Variants in FAM135A observed in about 807,000 individuals in gnomAD.
FAM135A encodes the protein family with sequence similarity 135 member A.
In FAM135A, 79 loss-of-function variants were observed where a neutral mutation model predicts 146.8. The ratio of observed to expected loss-of-function variants is 0.54; its 90% confidence interval spans 0.45 to 0.65. The LOEUF (loss-of-function observed/expected upper bound fraction) is 0.65. Among genes scored for constraint, FAM135A ranks in the 30% least tolerant of loss-of-function variants. The pLI is 0.00. For synonymous variants in FAM135A, 562 were observed against 603.6 expected (o/e 0.93, Z 1.01); for missense variants, 1,623 against 1,758.2 (o/e 0.92, Z 1.38).
intron 10 of FAM135A, 105 bp from the exon 11 acceptor site, chr6:70,490,929 A>T (rs1785768961): frequency 3.1e-6 from 2 of 650,182 alleles, no homozygotes; most frequent in Non-Finnish European, 4.8e-6. Context: ...AATTCATTGA[A>T]TACAGTCCAG....
intron 4 of FAM135A, among the ~76,000 whole-genome samples, chr6:70,449,929 T>TC: frequency 6.6e-6 from 1 of 152,220 alleles, no homozygotes; most frequent in Non-Finnish European, 1.5e-5. Context: ...CACTATCTTT[T>TC]CCGTTTTCTT....
At chr6:70,428,561 T>A (rs1055248637) in intron 4 of FAM135A, 142 bp downstream of exon 4, 2 of 491,996 alleles carry the variant, frequency 4.1e-6, no homozygotes, top group African/African-American at 4.0e-5. Context: ...ATAAATTTTA[T>A]TTATTAAATA....
At chr6:70,504,444 T>G (rs1474043075) in intron 12 of FAM135A, 1 of 152,080 alleles carries the variant, frequency 6.6e-6, no homozygotes, top group Non-Finnish European at 1.5e-5. Flanking sequence ...GAACTGGAGG[T>G]CTTAATTTTA....
intron 20 of FAM135A, among the ~76,000 whole-genome samples, chr6:70,551,173 G>A (rs909666793): frequency 3.3e-5 from 5 of 152,172 alleles, no homozygotes; most frequent in Non-Finnish European, 7.4e-5. Flanking sequence ...CACTAGAGTA[G>A]CCCTTTTAAT....
rs929022644 is a variant in FAM135A at position 70,413,936 on chromosome 6, G to A, written c.-220+234G>A. ...GGGAGGCGAGGGGCCGCGGCGCGCT[G>A]CTCTCCCGGTGCCCGCGGCCGCCCC... On this transcript the variant is annotated intron_variant, in intron 1 of 21. Coordinates refer to ENST00000418814, the MANE Select transcript of FAM135A (RefSeq NM_001162529.3). The A allele has an allele frequency of 3.0e-6, 3 of 985,398 alleles. No individual in the cohort carries two copies. The East Asian group carries it at 3.4e-4, about 112-fold the overall frequency. The allele number at this position is 985,398 out of a possible 1,614,324, so 61.0% of individuals were successfully genotyped here. A position where few individuals can be genotyped will look rare whatever the true frequency, so the allele number is the denominator to read the frequency against.
chr6:70,419,686 T>C (rs1398178409), intron 2 of FAM135A, among the ~76,000 whole-genome samples: 1 of 152,204 alleles, frequency 6.6e-6, no homozygotes, highest in African/African-American at 2.4e-5. Flanking sequence ...CATATTGTCA[T>C]AGTGTAAGCC....
intron 20 of FAM135A, among the ~76,000 whole-genome samples, chr6:70,553,182 G>A (rs1282140347): frequency 6.6e-6 from 1 of 152,138 alleles, no homozygotes; most frequent in Non-Finnish European, 1.5e-5. Flanking sequence ...CCAGCCTGGG[G>A]ACTTCAGCCA....
intron 20 of FAM135A, among the ~76,000 whole-genome samples, chr6:70,552,001 A>G (rs990397415): frequency 1.3e-5 from 2 of 152,250 alleles, no homozygotes; most frequent in African/African-American, 2.4e-5. Context: ...TGCTCAATGC[A>G]GGGTTACCAC....
At chr6:70,521,900 CAT>C (rs1365340283) in intron 12 of FAM135A, among the ~76,000 whole-genome samples, 2 of 152,124 alleles carry the variant, frequency 1.3e-5, no homozygotes, top group East Asian at 3.9e-4. Flanking sequence ...GTCATCAAAA[CAT>C]AGCTTTGCCT....
intron 4 of FAM135A, among the ~76,000 whole-genome samples, chr6:70,437,298 G>A (rs1217689544): frequency 6.6e-6 from 1 of 152,062 alleles, no homozygotes; most frequent in African/African-American, 2.4e-5. Context: ...CAGACAGTAA[G>A]TATAGACGTT....
chr6:70,480,933 A>G lies in FAM135A; in HGVS notation c.575A>G (p.Asn192Ser), dbSNP rs141262738. ...FPRPVKTTWL[N>S]RNAPAQNKDS... ...CGCCCTGTGAAGACAACTTGGTTAA[A>G]TAGAAATGCACCAGCACAAAACAAA... Residue 192 changes from asparagine (N) to serine (S), a missense_variant, in exon 9 of 22, where the codon AAT becomes AGT. This residue lies in a region of FAM135A where 206 missense variants were observed against 194.7 expected (regional missense o/e 1.06). Coordinates refer to ENST00000418814, the MANE Select transcript of FAM135A (RefSeq NM_001162529.3). 93 of 1,612,328 alleles carry G rather than the reference A, an allele frequency of 5.8e-5. No individual in the cohort carries two copies. Among genetic ancestry groups the G allele is most frequent in the Non-Finnish European group, 7.0e-5 (83 of 1,179,246 alleles).
chr6:70,554,239 A>G (rs1342253832), intron 20 of FAM135A, among the ~76,000 whole-genome samples: 1 of 152,234 alleles, frequency 6.6e-6, no homozygotes, highest in Non-Finnish European at 1.5e-5. Context: ...TTATATTGAA[A>G]TCACTAACAC....
Position 70,459,922 on chromosome 6 carries a change from T to C in FAM135A, c.157+7351T>C, listed in dbSNP as rs576645361. 8.5e-5 allele frequency among the ~76,000 whole-genome samples: 13 copies of C among 152,216 alleles called. No homozygotes were observed. In the South Asian group the frequency reaches 2.7e-3, roughly 32 times the overall value. Reference sequence around the variant, plus strand: ...GGCGGGTGCCTGTAATTCCCGCTACTTGGGAGGCTGAGGCAAGAGAATCGC... The same window carrying C: ...GGCGGGTGCCTGTAATTCCCGCTACCTGGGAGGCTGAGGCAAGAGAATCGC... On this transcript the variant is annotated intron_variant, in intron 5 of 21. Coordinates refer to ENST00000418814, the MANE Select transcript of FAM135A (RefSeq NM_001162529.3).
intron 2 of FAM135A, among the ~76,000 whole-genome samples, chr6:70,423,246 T>C (rs1769267374): frequency 6.6e-6 from 1 of 152,180 alleles, no homozygotes; most frequent in Non-Finnish European, 1.5e-5. Flanking sequence ...GATTACATCA[T>C]ATAATTTTAT....
At chr6:70,505,826 A>G (rs138102754) in intron 12 of FAM135A, among the ~76,000 whole-genome samples, 1 of 151,786 alleles carries the variant, frequency 6.6e-6, no homozygotes, top group African/African-American at 2.4e-5. Context: ...GTTTTGTTTC[A>G]TTATTTTTGC....
intron 11 of FAM135A, among the ~76,000 whole-genome samples, chr6:70,498,032 T>C (rs1191465852): frequency 6.6e-6 from 1 of 152,234 alleles, no homozygotes; most frequent in African/African-American, 2.4e-5. Context: ...TTGTTTGGAA[T>C]AGTTTCAGAA....
At chr6:70,508,678 A>G (rs1790333718) in intron 12 of FAM135A, among the ~76,000 whole-genome samples, 1 of 152,222 alleles carries the variant, frequency 6.6e-6, no homozygotes, top group Admixed American at 6.5e-5. Flanking sequence ...TGATGGTTAC[A>G]TCAGCTTGTA....
At chr6:70,474,804 G>A (rs993913874) in intron 5 of FAM135A, among the ~76,000 whole-genome samples, 6 of 152,136 alleles carry the variant, frequency 3.9e-5, no homozygotes, top group African/African-American at 1.4e-4. Flanking sequence ...AAGCATGACT[G>A]ACTGAATCAT....
chr6:70,549,112 T>C (rs1303900590), intron 20 of FAM135A, among the ~76,000 whole-genome samples: 1 of 152,086 alleles, frequency 6.6e-6, no homozygotes, highest in Non-Finnish European at 1.5e-5. Context: ...TATCAGAATT[T>C]TAAGAACATA....
Sources: allele counts gnomAD v4.1 joint callset (sites outside exome capture counted in the v4.1 genomes callset), GRCh38; gene constraint gnomAD v4.1.1; regional missense constraint gnomAD v4.1.1; transcripts MANE v1.5; gene names NCBI Gene and HGNC (gene_info 2026-07-23, HGNC 2026-07-21).